RIMS2: variants seen among roughly 807,000 people sequenced by gnomAD.
RIMS2 encodes regulating synaptic membrane exocytosis 2, also known as regulating synaptic membrane exocytosis protein 2.
In RIMS2, 59 loss-of-function variants were observed where a neutral mutation model predicts 174.4. That is an observed-to-expected ratio of 0.34 (90% CI 0.27 to 0.42). The LOEUF (loss-of-function observed/expected upper bound fraction) is 0.42. Ranked by LOEUF, RIMS2 falls within the 10% of genes least tolerant of loss-of-function variation. The pLI is 1.00. For synonymous variants in RIMS2, 606 were observed against 572.5 expected (o/e 1.06, Z -0.84); for missense variants, 1,620 against 1,666.3 (o/e 0.97, Z 0.48).
At chr8:103,857,628 C>T (rs2099035197) in intron 3 of RIMS2, among the ~76,000 whole-genome samples, 2 of 152,034 alleles carry the variant, frequency 1.3e-5, no homozygotes, top group South Asian at 4.2e-4. Context: ...ATGAGATACA[C>T]AATATTTAAT....
At chr8:103,583,519 AAC>A (rs1402098586) in intron 1 of RIMS2, among the ~76,000 whole-genome samples, 1 of 152,190 alleles carries the variant, frequency 6.6e-6, no homozygotes, top group Non-Finnish European at 1.5e-5. Flanking sequence ...GTGTTGAGGA[AAC>A]ACAGCTATTT....
chr8:103,578,999 A>T (rs955631954), intron 1 of RIMS2, among the ~76,000 whole-genome samples: 7 of 152,286 alleles, frequency 4.6e-5, no homozygotes, highest in African/African-American at 1.7e-4. Flanking sequence ...CAAAAAAAAA[A>T]AAATAGAATA....
chr8:103,524,814 T>C (rs576059721), intron 1 of RIMS2, among the ~76,000 whole-genome samples: 7 of 152,308 alleles, frequency 4.6e-5, no homozygotes, highest in African/African-American at 1.2e-4. Context: ...AGAATTTGCA[T>C]TGTAGTTATC....
Position 103,739,296 on chromosome 8 carries a change from G to A in RIMS2, c.388-26931G>A, listed in dbSNP as rs139214326. On this transcript the variant is annotated intron_variant, in intron 2 of 23. Transcript: ENST00000504942. ...TCGCAAGGACAAAAACCCAAACACCGCATGTTCTCACTCATAGATGGGAAT... is the reference window on the plus strand; with the variant it reads ...TCGCAAGGACAAAAACCCAAACACCACATGTTCTCACTCATAGATGGGAAT... Among the ~76,000 whole-genome samples, 8 of 152,202 alleles carry A rather than the reference G, an allele frequency of 5.3e-5. No individual in the cohort carries two copies. In the East Asian group the frequency reaches 1.2e-3, roughly 22 times the overall value.
Position 103,601,093 on chromosome 8 carries a change from T to C in RIMS2, c.177-95993T>C, listed in dbSNP as rs149565010. ...CCTATAGCGTTGTTTGAGCTCCTTA[T>C]ATATTCTGGGTATTAACCACTTGTC... On this transcript the variant is annotated intron_variant, in intron 1 of 23. Coordinates refer to ENST00000504942, the Ensembl canonical transcript of RIMS2. 6.2e-3 allele frequency among the ~76,000 whole-genome samples: 937 copies of C among 152,334 alleles called. 12 individuals are homozygous for C. The highest frequency in any genetic ancestry group is 0.021 in the African/African-American group (887 of 41,580).
At chr8:103,802,868 G>A (rs980220204) in intron 3 of RIMS2, among the ~76,000 whole-genome samples, 2 of 152,148 alleles carry the variant, frequency 1.3e-5, no homozygotes, top group South Asian at 4.1e-4. Context: ...GGGAGTTGGA[G>A]TCAACACTTT....
chr8:103,796,949 A>G (rs1162198367), intron 3 of RIMS2, among the ~76,000 whole-genome samples: 1 of 152,280 alleles, frequency 6.6e-6, no homozygotes, highest in Middle Eastern at 3.4e-3. Context: ...GTGGAGGAAG[A>G]TAGTATAATA....
At chr8:103,779,617 G>T (rs1340355480) in intron 3 of RIMS2, among the ~76,000 whole-genome samples, 3 of 151,832 alleles carry the variant, frequency 2.0e-5, no homozygotes, top group Admixed American at 1.3e-4. Context: ...CATGGATGAA[G>T]CTGGAAACCA....
rs185167403 is a variant in RIMS2, at chr8:103,540,071, T to C, written c.176+39009T>C. Among the ~76,000 whole-genome samples, 209 of 152,344 alleles carry C rather than the reference T, an allele frequency of 1.4e-3. 2 individuals are homozygous for C. The highest frequency in any genetic ancestry group is 7.1e-4 in the Non-Finnish European group (48 of 68,032). On this transcript the variant is annotated intron_variant, in intron 1 of 23. Coordinates refer to ENST00000504942, the Ensembl canonical transcript of RIMS2. ...CAAGCATCATGTACTATTTCCAATA[T>C]GGCAGTGGGGTTGCCTGTGCCACAG... is the stretch of plus-strand genomic sequence containing the variant.
chr8:104,183,627 A>G (rs1285639644), intron 19 of RIMS2, among the ~76,000 whole-genome samples: 1 of 151,614 alleles, frequency 6.6e-6, no homozygotes, highest in African/African-American at 2.4e-5. Flanking sequence ...AATCTGAGTT[A>G]TTAAGGAATA....
intron 16 of RIMS2, among the ~76,000 whole-genome samples, chr8:103,986,902 A>G (rs1370334051): frequency 2.6e-5 from 4 of 151,870 alleles, no homozygotes; most frequent in East Asian, 3.9e-4. Context: ...ATAAAATTAA[A>G]AAAAAAACAA....
chr8:104,145,877 T>C lies in RIMS2; in HGVS notation c.3335-99039T>C, dbSNP rs558658127. Among the ~76,000 whole-genome samples the C allele has an allele frequency of 6.6e-5, 10 of 150,412 alleles. 1 individual carries two copies. The highest frequency in any genetic ancestry group is 1.9e-4 in the African/African-American group (8 of 41,082). ...ACTCCATCTCAAAAAAAAAGAAAAATGGTAGCTTATTTGCTTACAACATTT... is the reference window on the plus strand; with the variant it reads ...ACTCCATCTCAAAAAAAAAGAAAAACGGTAGCTTATTTGCTTACAACATTT... On this transcript the variant is annotated intron_variant, in intron 19 of 23. Transcript: ENST00000504942.
chr8:103,836,911 A>C (rs977812427), intron 3 of RIMS2, among the ~76,000 whole-genome samples: 2 of 152,226 alleles, frequency 1.3e-5, no homozygotes, highest in Non-Finnish European at 2.9e-5. Context: ...GTTTCAATGA[A>C]AAGTGGTACC....
chr8:104,021,890 A>G (rs115136628), intron 19 of RIMS2, among the ~76,000 whole-genome samples: 4,091 of 152,244 alleles, frequency 0.027, 206 homozygotes, highest in African/African-American at 0.094. Flanking sequence ...TTTGGTGGGC[A>G]TGGAGTAGGG....
At chr8:104,089,083 T>C (rs1050938200) in intron 19 of RIMS2, among the ~76,000 whole-genome samples, 3 of 151,960 alleles carry the variant, frequency 2.0e-5, no homozygotes, top group African/African-American at 4.8e-5. Context: ...CTTCCAAGAT[T>C]TTAATGATCT....
chr8:103,691,606 A>G (rs1262149163), intron 1 of RIMS2, among the ~76,000 whole-genome samples: 1 of 152,166 alleles, frequency 6.6e-6, no homozygotes, highest in Non-Finnish European at 1.5e-5. Flanking sequence ...CTTGAATTTC[A>G]TTGAGCTCCT....
intron 1 of RIMS2, among the ~76,000 whole-genome samples, chr8:103,615,370 G>T (rs1194441814): frequency 6.6e-6 from 1 of 152,262 alleles, no homozygotes; most frequent in Admixed American, 6.5e-5. Context: ...CTGAGACACA[G>T]CTAAGACAGT....
At chr8:103,931,132 A>G (rs921753353) in intron 11 of RIMS2, 131 bp from the exon 14 acceptor site, 8 of 597,012 alleles carry the variant, frequency 1.3e-5, no homozygotes, top group Admixed American at 3.8e-5. Context: ...TTAACTAGCC[A>G]CAATTTACTA....
At chr8:103,766,329 C>G in exon 3 of RIMS2, 2 of 1,612,980 alleles carry the variant, frequency 1.2e-6, no homozygotes, top group South Asian at 2.2e-5. Flanking sequence ...GCAACCTGAT[C>G]AAAAGGTTCT....
Sources: allele counts gnomAD v4.1 joint callset (sites outside exome capture counted in the v4.1 genomes callset), GRCh38; gene constraint gnomAD v4.1.1; transcripts MANE v1.5; gene names NCBI Gene and HGNC (gene_info 2026-07-23, HGNC 2026-07-21).